CYP2F1: variants seen among roughly 807,000 people sequenced by gnomAD.
CYP2F1 encodes the protein cytochrome P450 family 2 subfamily F member 1.
Under a neutral mutation model 40.4 loss-of-function variants are expected in CYP2F1, and 33 were observed. That is an observed-to-expected ratio of 0.82 (90% CI 0.62 to 1.09). The LOEUF is 1.09. Among genes scored for constraint, CYP2F1 ranks in the 50% least tolerant of loss-of-function variants. The pLI is 0.00. For missense variants in CYP2F1, 566 were observed against 655.7 expected (o/e 0.86, Z 1.49); for synonymous variants, 235 against 277.2 (o/e 0.85, Z 1.51).
At chr19:41,116,647 C>T (rs374038071) in intron 3 of CYP2F1, 30 bp downstream of exon 3, 20 of 1,608,850 alleles carry the variant, frequency 1.2e-5, no homozygotes, top group Middle Eastern at 1.7e-4. Flanking sequence ...CCTCCGCTCT[C>T]GGCCTTTTCC....
At chr19:41,119,526 AT>A (rs1388502408) in intron 3 of CYP2F1, among the ~76,000 whole-genome samples, 2 of 151,732 alleles carry the variant, frequency 1.3e-5, no homozygotes, top group African/African-American at 4.8e-5. Context: ...AGACGGGTGG[AT>A]CACGAGGTCA....
Position 41,127,976 on chromosome 19 carries a change from T to A in CYP2F1, c.1370T>A (p.Phe457Tyr). The change falls in exon 10 of 10, where the codon TTT (phenylalanine) becomes TAT (tyrosine). Residue 457 changes from phenylalanine to tyrosine, a missense_variant. This residue lies in a region of CYP2F1 where 85 missense variants were observed against 84.9 expected (regional missense o/e 1.00). Coordinates refer to ENST00000331105, the MANE Select transcript of CYP2F1 (RefSeq NM_000774.5). ...FLYLTAILQSFSLQPLGAPED... is the reference protein window; with the variant it reads ...FLYLTAILQSYSLQPLGAPED... ...TACCTCACCGCCATCCTGCAGAGCT[T>A]TTCGCTGCAGCCGCTGGGTGCGCCC... The A allele has an allele frequency of 6.2e-7, 1 of 1,613,474 alleles. No homozygotes were observed. Among genetic ancestry groups the A allele is most frequent in the Non-Finnish European group, 8.5e-7 (1 of 1,179,972 alleles).
chr19:41,119,748 T>TATATATATATATATACACAC (rs1337166345), intron 3 of CYP2F1, among the ~76,000 whole-genome samples: 12 of 36,096 alleles, frequency 3.3e-4, no homozygotes, highest in Non-Finnish European at 5.8e-4. Context: ...TATATATATA[T>TATATATATATATATACACAC]ACACACACAC....
chr19:41,123,607 T>G (rs1277375522), intron 7 of CYP2F1, among the ~76,000 whole-genome samples: 1 of 152,120 alleles, frequency 6.6e-6, no homozygotes, highest in Non-Finnish European at 1.5e-5. Context: ...CTGCAGCCCC[T>G]TGGGCTCAAG....
chr19:41,116,227 G>A lies in CYP2F1; in HGVS notation c.39G>A (p.Leu13=), dbSNP rs1336035785. 6.2e-7 allele frequency: 1 copy of A among 1,613,948 alleles called. No homozygotes were observed. The highest frequency in any genetic ancestry group is 8.5e-7 in the Non-Finnish European group (1 of 1,179,954). The change falls in exon 2 of 10, where the codon CTG becomes CTA. Residue 13 remains leucine, a synonymous_variant. Transcript: ENST00000331105. Reference sequence around the variant, plus strand: ...GCACAGCCATCTTACTCCTGCTCCTGGCTCTCGTCTGTCTGCTCCTGACCC... The same window carrying A: ...GCACAGCCATCTTACTCCTGCTCCTAGCTCTCGTCTGTCTGCTCCTGACCC... ...SISTAILLLL[L]ALVCLLLTLS... is the part of the protein sequence containing the mutation.
intron 9 of CYP2F1, 95 bp downstream of exon 9, chr19:41,125,729 C>T (rs749271418): frequency 5.0e-6 from 8 of 1,613,514 alleles, no homozygotes; most frequent in Middle Eastern, 1.7e-4. Context: ...TTCCTTCCAC[C>T]CATTCTCAGC....
At chr19:41,116,028 T>G (rs1777878449) in intron 1 of CYP2F1, 150 bp from the exon 2 acceptor site, 1 of 657,068 alleles carries the variant, frequency 1.5e-6, no homozygotes, top group Admixed American at 3.0e-5. Flanking sequence ...TTTCCTCCTT[T>G]CTCCCTCCCT....
intron 3 of CYP2F1, among the ~76,000 whole-genome samples, chr19:41,118,662 C>A (rs1390799994): frequency 1.3e-5 from 2 of 152,110 alleles, no homozygotes; most frequent in African/African-American, 2.4e-5. Flanking sequence ...TCGTTTGTTA[C>A]CAAAAATAGC....
Position 41,121,794 on chromosome 19 carries a change from G to A in CYP2F1, c.646-163G>A, listed in dbSNP as rs181478450. 8.3e-4 allele frequency among the ~76,000 whole-genome samples: 120 copies of A among 145,246 alleles called. 4 individuals carry two copies. In the East Asian group the frequency reaches 0.01, roughly 12 times the overall value. On this transcript the variant is annotated intron_variant, in intron 5 of 9. Coordinates refer to ENST00000331105, the MANE Select transcript of CYP2F1 (RefSeq NM_000774.5). ...CACTCCCCTCCACTGAGCATTTATGGCCGCCATTGCCTCCTTCCCACTCCC... is the reference window on the plus strand; with the variant it reads ...CACTCCCCTCCACTGAGCATTTATGACCGCCATTGCCTCCTTCCCACTCCC...
chr19:41,126,954 A>G (rs1157452574), intron 9 of CYP2F1, among the ~76,000 whole-genome samples: 2 of 152,056 alleles, frequency 1.3e-5, no homozygotes, highest in Admixed American at 1.3e-4. Flanking sequence ...ACTCAGTGGC[A>G]GGAAAAGAAA....
In CYP2F1 at chr19:41,124,248, C is replaced by A. The variant is rs1292566960; in HGVS notation, c.965-471C>A. On this transcript the variant is annotated intron_variant, in intron 7 of 9. Transcript: ENST00000331105. Reference sequence around the variant, plus strand: ...AATTCTTTTTTTTTTTTCCTCTTCCCCCCCCCCTTTTTTTTTTTTTTTTTT... The same window carrying A: ...AATTCTTTTTTTTTTTTCCTCTTCCACCCCCCCTTTTTTTTTTTTTTTTTT... Among the ~76,000 whole-genome samples the A allele has an allele frequency of 2.2e-4, 22 of 101,766 alleles. No homozygotes were observed. The East Asian group carries it at 5.4e-3, about 25-fold the overall frequency. 66.8% of individuals were successfully genotyped at this position (101,766 alleles called of 152,430 possible).
Position 41,121,491 on chromosome 19 carries a change from G to C in CYP2F1, c.518G>C (p.Arg173Pro), listed in dbSNP as rs140625276. Residue 173 changes from arginine (R) to proline (P), a missense_variant, in exon 5 of 10, where the codon CGC (arginine) becomes CCC (proline). Physicochemically the swap from Arg to Pro is moderately radical, Grantham distance 103 (BLOSUM62 -2). Coordinates refer to ENST00000331105, the MANE Select transcript of CYP2F1 (RefSeq NM_000774.5). ...EPFDPTFVLSRSVSNIICSVL... is the reference protein window; with the variant it reads ...EPFDPTFVLSPSVSNIICSVL... ...TTTGACCCCACGTTTGTGCTGAGTC[G>C]CTCAGTGTCCAACATTATCTGTTCC... 2.5e-6 allele frequency: 4 copies of C among 1,609,670 alleles called. No individual in the cohort carries two copies. Among genetic ancestry groups the C allele is most frequent in the Non-Finnish European group, 3.4e-6 (4 of 1,179,758 alleles).
intron 3 of CYP2F1, among the ~76,000 whole-genome samples, chr19:41,118,692 A>G (rs1304750681): frequency 6.6e-6 from 1 of 152,120 alleles, no homozygotes; most frequent in African/African-American, 2.4e-5. Flanking sequence ...GTTATTCAAT[A>G]CACAGCACAG....
At chr19:41,127,582 C>T (rs2032592737) in intron 9 of CYP2F1, among the ~76,000 whole-genome samples, 2 of 152,160 alleles carry the variant, frequency 1.3e-5, no homozygotes, top group Non-Finnish European at 2.9e-5. Context: ...GATCCTCTTC[C>T]CTCGGCCTCC....
At chr19:41,116,825 G>T (rs1355823723) in intron 3 of CYP2F1, among the ~76,000 whole-genome samples, 1 of 151,914 alleles carries the variant, frequency 6.6e-6, no homozygotes, top group Middle Eastern at 3.2e-3. Flanking sequence ...TTCCTGAATT[G>T]TACTCTTGCA....
chr19:41,121,669 G>C, intron 5 of CYP2F1, 51 bp downstream of exon 5: 2 of 1,511,568 alleles, frequency 1.3e-6, no homozygotes, highest in Non-Finnish European at 1.8e-6. Flanking sequence ...GCAGGATCTA[G>C]GAATGGAGAG....
At chr19:41,120,897 T>C (rs1381015672) in intron 4 of CYP2F1, among the ~76,000 whole-genome samples, 1 of 151,996 alleles carries the variant, frequency 6.6e-6, no homozygotes, top group Non-Finnish European at 1.5e-5. Context: ...CTCAGCTCAT[T>C]GCAACCTCCG....
intron 1 of CYP2F1, among the ~76,000 whole-genome samples, chr19:41,114,995 C>T (rs2031708362): frequency 6.6e-6 from 1 of 152,190 alleles, no homozygotes; most frequent in Admixed American, 6.5e-5. Context: ...GTCTCAAACT[C>T]CTGACCTCAA....
intron 7 of CYP2F1, 146 bp from the exon 8 acceptor site, chr19:41,124,573 A>T: frequency 1.4e-6 from 1 of 715,822 alleles, no homozygotes; most frequent in Non-Finnish European, 2.3e-6. Flanking sequence ...AGCTCTAGCT[A>T]ATTCTCACGT....
Sources: allele counts gnomAD v4.1 joint callset (sites outside exome capture counted in the v4.1 genomes callset), GRCh38; gene constraint gnomAD v4.1.1; regional missense constraint gnomAD v4.1.1; transcripts MANE v1.5; gene names NCBI Gene and HGNC (gene_info 2026-07-23, HGNC 2026-07-21).